The following AKAP8L variants were observed in gnomAD, a reference collection of about 807,000 sequenced individuals.
The protein encoded by AKAP8L is A-kinase anchor protein 8-like.
A neutral mutation model predicts 77.5 loss-of-function variants in AKAP8L; 34 were observed. That is an observed-to-expected ratio of 0.44 (90% CI 0.33 to 0.58). The LOEUF (loss-of-function observed/expected upper bound fraction) is 0.58. AKAP8L is among the 20% of genes least tolerant of loss of function. AKAP8L has a pLI of 0.02. For missense variants in AKAP8L, 806 were observed against 887.6 expected, an observed-to-expected ratio of 0.91 and a Z score of 1.17; for synonymous variants, 342 against 340.7, an observed-to-expected ratio of 1.00 and a Z score of -0.04.
rs80177044 is a variant in AKAP8L at position 15,404,244 on chromosome 19, A to G, written c.89-202T>C. The stretch of plus-strand genomic sequence containing the variant: ...TGCCTGGCTGCCTGTGGCTCTGAGC[A>G]TCTGTTATTTAAGGATCCTTCTGTT... On this transcript the variant is annotated intron_variant, in intron 2 of 13. Coordinates refer to ENST00000397410, the MANE Select transcript of AKAP8L (RefSeq NM_014371.4). 227 of 589,060 alleles carry G rather than the reference A, an allele frequency of 3.9e-4. No individual in the cohort carries two copies. In the African/African-American group the frequency reaches 4.0e-3, roughly 10 times the overall value. 36.5% of individuals were successfully genotyped at this position (589,060 alleles called of 1,614,324 possible). A position where few individuals can be genotyped will look rare whatever the true frequency, so the allele number is the denominator to read the frequency against.
intron 2 of AKAP8L, among the ~76,000 whole-genome samples, chr19:15,405,626 T>G (rs1302307568): frequency 6.6e-6 from 1 of 151,928 alleles, no homozygotes; most frequent in Non-Finnish European, 1.5e-5. Context: ...GCACTAGCTA[T>G]TCTAAAGAAA....
Position 15,397,053 on chromosome 19 carries a change from T to C in AKAP8L, c.1536+97A>G. The C allele has an allele frequency of 2.0e-6, 3 of 1,531,910 alleles. No homozygotes were observed. The highest frequency in any genetic ancestry group is 1.2e-5 in the South Asian group (1 of 85,056). 94.9% of individuals were successfully genotyped at this position (1,531,910 alleles called of 1,614,324 possible). A position where few individuals can be genotyped will look rare whatever the true frequency, so the allele number is the denominator to read the frequency against. On this transcript the variant is annotated intron_variant, in intron 12 of 13. Coordinates refer to ENST00000397410, the MANE Select transcript of AKAP8L (RefSeq NM_014371.4). The surrounding 1 kb of genome is among the most constrained non-coding windows in gnomAD (Gnocchi z 4.7). The stretch of plus-strand genomic sequence containing the variant: ...CCACCTCCTCCTGCCTCCACTGCAG[T>C]CCCTCACGGGCTGGCAGAGGTTCCA...
At chr19:15,407,100 A>G (rs541338760) in intron 2 of AKAP8L, among the ~76,000 whole-genome samples, 1 of 152,222 alleles carries the variant, frequency 6.6e-6, no homozygotes, top group Admixed American at 6.5e-5. Context: ...TAGAAAAAAT[A>G]CAAAAAATAG....
chr19:15,418,209 A>T (rs3826863), intron 1 of AKAP8L, among the ~76,000 whole-genome samples: 3 of 152,142 alleles, frequency 2.0e-5, no homozygotes, highest in Admixed American at 6.5e-5. Context: ...TTATTTGCCT[A>T]TTAAGATCCT....
chr19:15,382,475 T>C (rs1186558196), intron 12 of AKAP8L, among the ~76,000 whole-genome samples: 2 of 152,164 alleles, frequency 1.3e-5, no homozygotes, highest in Non-Finnish European at 2.9e-5. Flanking sequence ...AGTGCTGTGA[T>C]TACAGGCGTG....
At chr19:15,393,406 A>G (rs1967704725) in intron 12 of AKAP8L, among the ~76,000 whole-genome samples, 2 of 152,230 alleles carry the variant, frequency 1.3e-5, no homozygotes, top group South Asian at 4.1e-4. Context: ...AGAATGGGTG[A>G]AAATATTTGT....
intron 2 of AKAP8L, 151 bp downstream of exon 2, chr19:15,410,369 G>A: frequency 1.6e-6 from 1 of 637,884 alleles, no homozygotes. Context: ...TTGCCTGAAA[G>A]GGAAGCACTA....
chr19:15,401,257 G>T lies in AKAP8L; in HGVS notation c.709C>A (p.Arg237=), dbSNP rs753551404. Residue 237 remains arginine (R), a synonymous_variant, in exon 5 of 14, where the codon CGA becomes AGA. Coordinates refer to ENST00000397410, the MANE Select transcript of AKAP8L (RefSeq NM_014371.4). The surrounding 1 kb of genome is among the most constrained non-coding windows in gnomAD (Gnocchi z 6.2). ...IPEYGMFQGM[R]GGGAFPGGSR... ...CCGCCCGGGAAGGCGCCCCCACCTC[G>T]CATGCCCTGGAACATGCCGTACTCG... is the stretch of plus-strand genomic sequence containing the variant. The T allele has an allele frequency of 6.2e-7, 1 of 1,613,764 alleles. No homozygotes were observed. Among genetic ancestry groups the T allele is most frequent in the South Asian group, 1.1e-5 (1 of 91,086 alleles).
Position 15,399,075 on chromosome 19 carries a change from G to A in AKAP8L, c.1157+227C>T. 1.8e-6 allele frequency: 1 copy of A among 566,910 alleles called. No individual in the cohort carries two copies. Among genetic ancestry groups the A allele is most frequent in the South Asian group, 2.0e-5 (1 of 50,136 alleles). The allele number at this position is 566,910 out of a possible 1,614,324, so 35.1% of individuals were successfully genotyped here. A position where few individuals can be genotyped will look rare whatever the true frequency, so the allele number is the denominator to read the frequency against. ...GAGCAACGGTGCCGAGCGGTGTCAG[G>A]TCTCGGCCCACAGACGCCAGCGGTC... On this transcript the variant is annotated intron_variant, in intron 9 of 13. Transcript: ENST00000397410. The surrounding 1 kb of genome is among the most constrained non-coding windows in gnomAD (Gnocchi z 6.1).
intron 12 of AKAP8L, among the ~76,000 whole-genome samples, chr19:15,385,122 C>T (rs10421897): frequency 5.3e-5 from 8 of 152,274 alleles, no homozygotes; most frequent in South Asian, 2.1e-4. Flanking sequence ...GGACTACAGG[C>T]GCCCACCACC....
At position 15,401,264 on chromosome 19, in the gene AKAP8L, C is replaced by T; in HGVS notation, c.702G>A (p.Gln234=). The T allele has an allele frequency of 1.2e-6, 2 of 1,613,868 alleles. No homozygotes were observed. Among genetic ancestry groups the T allele is most frequent in the Non-Finnish European group, 1.7e-6 (2 of 1,179,896 alleles). Residue 234 remains glutamine (Q), a synonymous_variant, in exon 5 of 14, where the codon CAG becomes CAA. Transcript: ENST00000397410. The surrounding 1 kb of genome is among the most constrained non-coding windows in gnomAD (Gnocchi z 6.2). ...QNIIPEYGMF[Q]GMRGGGAFPG... is the part of the protein sequence containing the mutation. ...GGAAGGCGCCCCCACCTCGCATGCC[C>T]TGGAACATGCCGTACTCGGGGATGA...
chr19:15,380,129 G>T lies in AKAP8L; in HGVS notation c.1934C>A (p.Ala645Asp). 6.7e-7 allele frequency: 1 copy of T among 1,494,708 alleles called. No homozygotes were observed. Among genetic ancestry groups the T allele is most frequent in the Non-Finnish European group, 8.8e-7 (1 of 1,131,354 alleles). The allele number at this position is 1,494,708 out of a possible 1,614,324, so 92.6% of individuals were successfully genotyped here. Residue 645 changes from alanine (A) to aspartate (D), a missense_variant, in exon 14 of 14, where the codon GCC (alanine) becomes GAC (aspartate). Ala to Asp is a moderately radical substitution (Grantham distance 126). This residue lies in a region of AKAP8L where 226 missense variants were observed against 193.5 expected (regional missense o/e 1.17). Transcript: ENST00000397410. ...VEDDEEGGGG[A>D]P is the part of the protein sequence containing the mutation. ...GCCCGCCCCGAGCTCGGGTCACGGG[G>T]CGCCCCCGCCGCCCTCCTCGTCGTC...
Position 15,400,810 on chromosome 19 carries a change from T to G in AKAP8L, c.968A>C (p.Glu323Ala). The G allele has an allele frequency of 6.2e-7, 1 of 1,613,976 alleles. No homozygotes were observed. Among genetic ancestry groups the G allele is most frequent in the Non-Finnish European group, 8.5e-7 (1 of 1,179,890 alleles). Reference protein sequence around the residue: ...TEGLEGTEAVEKGSRVDGEDE... With the variant: ...TEGLEGTEAVAKGSRVDGEDE... ...GCCACTTACCACTCTGGAGCCCTTCTCCACAGCCTCGGTGCCTTCAAGGCC... is the reference window on the plus strand; with the variant it reads ...GCCACTTACCACTCTGGAGCCCTTCGCCACAGCCTCGGTGCCTTCAAGGCC... Residue 323 changes from glutamate to alanine, a missense_variant, in exon 7 of 14, where the codon GAG (glutamate) becomes GCG (alanine). Physicochemically the swap from Glu to Ala is moderately radical, Grantham distance 107. Around this residue, in one of 2 missense-constraint regions of AKAP8L, gnomAD observed 580 missense variants for 694.1 expected, o/e 0.84. Transcript: ENST00000397410.
rs778780037 is a variant in AKAP8L, at chr19:15,404,022, C to G, written c.109G>C (p.Gly37Arg). 31 of 1,613,780 alleles carry G rather than the reference C, an allele frequency of 1.9e-5. No individual in the cohort carries two copies. In the Admixed American group the frequency reaches 5.2e-4, roughly 27 times the overall value. ...CDYGYGTWNS[G>R]TNRGYEGYGY... The stretch of plus-strand genomic sequence containing the variant: ...GAATGACACTTGCCTCTATTTGTCC[C>G]AGAGTTCCAAGTTCCATATCCTACA... The change falls in exon 3 of 14, where the codon GGG becomes CGG. Residue 37 changes from glycine to arginine, a missense_variant. Physicochemically the swap from Gly to Arg is moderately radical, Grantham distance 125. Around this residue, in one of 2 missense-constraint regions of AKAP8L, gnomAD observed 580 missense variants for 694.1 expected, o/e 0.84. Transcript: ENST00000397410.
At position 15,401,672 on chromosome 19, in the gene AKAP8L, G is replaced by T; in HGVS notation, c.363-69C>A. The T allele has an allele frequency of 7.8e-7, 1 of 1,288,946 alleles. No individual in the cohort carries two copies. Among genetic ancestry groups the T allele is most frequent in the Non-Finnish European group, 1.1e-6 (1 of 943,974 alleles). The allele number at this position is 1,288,946 out of a possible 1,614,324, so 79.8% of individuals were successfully genotyped here. On this transcript the variant is annotated intron_variant, in intron 4 of 13. Coordinates refer to ENST00000397410, the MANE Select transcript of AKAP8L (RefSeq NM_014371.4). The surrounding 1 kb of genome is among the most constrained non-coding windows in gnomAD (Gnocchi z 6.2). Reference sequence around the variant, plus strand: ...CCCTCACCTCCAGGCAACTGCTCCTGCCCTCCCCAATCTCCCAGTCCAGCA... The same window carrying T: ...CCCTCACCTCCAGGCAACTGCTCCTTCCCTCCCCAATCTCCCAGTCCAGCA...
chr19:15,384,122 AG>A (rs1568260577), intron 12 of AKAP8L, among the ~76,000 whole-genome samples: 1 of 151,666 alleles, frequency 6.6e-6, no homozygotes, highest in African/African-American at 2.4e-5. Flanking sequence ...TAGTAGAGAC[AG>A]GGTTTCACCA....
chr19:15,418,121 C>T (rs1439373075), intron 1 of AKAP8L, among the ~76,000 whole-genome samples: 1 of 152,220 alleles, frequency 6.6e-6, no homozygotes, highest in Non-Finnish European at 1.5e-5. Context: ...CACCTCTTTA[C>T]AGAAGGCTCC....
chr19:15,417,713 G>A (rs954712299), intron 1 of AKAP8L: 1 of 152,236 alleles, frequency 6.6e-6, no homozygotes, highest in Non-Finnish European at 1.5e-5. Flanking sequence ...GAGCCCCACA[G>A]ACTCACGTTG....
chr19:15,407,395 T>G (rs1169046106), intron 2 of AKAP8L, among the ~76,000 whole-genome samples: 1 of 152,244 alleles, frequency 6.6e-6, no homozygotes, highest in Non-Finnish European at 1.5e-5. Flanking sequence ...AAATGTTATT[T>G]AAATGTTATA....
Sources: allele counts gnomAD v4.1 joint callset (sites outside exome capture counted in the v4.1 genomes callset), GRCh38; gene constraint gnomAD v4.1.1; regional missense constraint gnomAD v4.1.1; non-coding constraint Gnocchi (gnomAD v3.1); transcripts MANE v1.5; gene names NCBI Gene and HGNC (gene_info 2026-07-23, HGNC 2026-07-21).